ELMO1: variants seen among roughly 807,000 people sequenced by gnomAD.
The protein encoded by ELMO1 is engulfment and cell motility 1, also known as engulfment and cell motility protein 1.
A neutral mutation model predicts 98.9 loss-of-function variants in ELMO1; 26 were observed. The ratio of observed to expected loss-of-function variants is 0.26; its 90% confidence interval spans 0.19 to 0.36. ELMO1 has a LOEUF of 0.36. Among genes scored for constraint, ELMO1 ranks in the 10% least tolerant of loss-of-function variants. The pLI is 1.00. For synonymous variants in ELMO1, 346 were observed against 346.0 expected, an observed-to-expected ratio of 1.00 and a Z score of 0.00; for missense variants, 627 against 935.2, an observed-to-expected ratio of 0.67 and a Z score of 4.30.
chr7:37,442,793 C>T (rs1292454180), intron 1 of ELMO1, among the ~76,000 whole-genome samples: 3 of 152,200 alleles, frequency 2.0e-5, no homozygotes, highest in African/African-American at 7.2e-5. Context: ...AGTGAAGAGC[C>T]TCTCTGGACA....
chr7:37,226,165 T>C (rs1793864534), intron 8 of ELMO1, among the ~76,000 whole-genome samples: 1 of 152,142 alleles, frequency 6.6e-6, no homozygotes, highest in Non-Finnish European at 1.5e-5. Context: ...CCCAGCTACA[T>C]CTGGATCTCA....
At chr7:36,882,023 A>G (rs1470620145) in intron 18 of ELMO1, among the ~76,000 whole-genome samples, 1 of 152,260 alleles carries the variant, frequency 6.6e-6, no homozygotes, top group South Asian at 2.1e-4. Flanking sequence ...AAGCTGAACA[A>G]TGGCAACCAC....
chr7:37,295,893 A>G (rs1798004330), intron 4 of ELMO1, among the ~76,000 whole-genome samples: 1 of 152,254 alleles, frequency 6.6e-6, no homozygotes, highest in African/African-American at 2.4e-5. Flanking sequence ...TTATAATAAT[A>G]TAGCAAGCTT....
chr7:36,895,127 C>A, intron 16 of ELMO1, 110 bp from the exon 17 acceptor site: 1 of 1,259,286 alleles, frequency 7.9e-7, no homozygotes, highest in Admixed American at 2.3e-5. Context: ...TGCACGCATG[C>A]TCAGCATTAA....
chr7:36,976,938 A>G (rs906922451), intron 16 of ELMO1, among the ~76,000 whole-genome samples: 1 of 152,158 alleles, frequency 6.6e-6, no homozygotes, highest in Non-Finnish European at 1.5e-5. Flanking sequence ...GTTGAAATGG[A>G]GGCACCTGAC....
At chr7:36,959,675 T>A (rs149739656) in intron 16 of ELMO1, among the ~76,000 whole-genome samples, 1 of 152,266 alleles carries the variant, frequency 6.6e-6, no homozygotes, top group African/African-American at 2.4e-5. Flanking sequence ...TCAAAAAGTT[T>A]CTCTAATTTT....
intron 15 of ELMO1, among the ~76,000 whole-genome samples, chr7:37,083,764 C>T (rs1437432757): frequency 1.3e-5 from 2 of 152,196 alleles, no homozygotes; most frequent in Non-Finnish European, 2.9e-5. Flanking sequence ...GCTGGAGCTG[C>T]CCCTGATAGC....
intron 18 of ELMO1, 120 bp downstream of exon 18, chr7:36,887,440 C>T (rs1805123574): frequency 1.2e-6 from 1 of 813,642 alleles, no homozygotes; most frequent in South Asian, 1.8e-5. Context: ...GACTGCTATT[C>T]CTGTCCTGAG....
intron 18 of ELMO1, among the ~76,000 whole-genome samples, chr7:36,885,441 C>T (rs1174370323): frequency 3.3e-5 from 5 of 152,134 alleles, no homozygotes; most frequent in Admixed American, 2.6e-4. Flanking sequence ...AGTCTCATGA[C>T]GCAGTAGACT....
intron 16 of ELMO1, among the ~76,000 whole-genome samples, chr7:37,000,948 C>A (rs939330555): frequency 2.0e-5 from 3 of 151,754 alleles, no homozygotes; most frequent in African/African-American, 7.3e-5. Context: ...TACACACACA[C>A]ACACACACAC....
chr7:37,166,157 T>C (rs1789673061), intron 13 of ELMO1, among the ~76,000 whole-genome samples: 2 of 152,228 alleles, frequency 1.3e-5, no homozygotes, highest in African/African-American at 2.4e-5. Context: ...TGATGGTAGT[T>C]TGTATTTCTG....
chr7:37,379,331 G>A (rs564048486), intron 1 of ELMO1, among the ~76,000 whole-genome samples: 4 of 152,154 alleles, frequency 2.6e-5, no homozygotes, highest in East Asian at 3.9e-4. Context: ...GTGAGCCACC[G>A]CGCCCGGCCT....
At chr7:37,242,169 A>C (rs1179469429) in intron 7 of ELMO1, among the ~76,000 whole-genome samples, 1 of 152,184 alleles carries the variant, frequency 6.6e-6, no homozygotes, top group Non-Finnish European at 1.5e-5. Context: ...TCATTTTATC[A>C]ACTTTTCAGA....
intron 6 of ELMO1, among the ~76,000 whole-genome samples, chr7:37,246,465 T>A (rs1374452052): frequency 6.6e-6 from 1 of 152,156 alleles, no homozygotes; most frequent in Non-Finnish European, 1.5e-5. Context: ...GTCAAAGTTA[T>A]AACCAGTAAT....
intron 15 of ELMO1, among the ~76,000 whole-genome samples, chr7:37,065,965 G>C (rs6950733): frequency 0.29 from 43,644 of 152,010 alleles, 8,649 homozygotes; most frequent in African/African-American, 0.57. Flanking sequence ...TGGGGCAGCT[G>C]CCCTCATACT....
chr7:36,966,002 T>G (rs1190942372), intron 16 of ELMO1, among the ~76,000 whole-genome samples: 1 of 152,208 alleles, frequency 6.6e-6, no homozygotes, highest in Non-Finnish European at 1.5e-5. Flanking sequence ...GAAAAATGAA[T>G]ATACTTCATT....
chr7:36,972,598 C>G (rs192026337), intron 16 of ELMO1, among the ~76,000 whole-genome samples: 2 of 152,212 alleles, frequency 1.3e-5, no homozygotes, highest in Admixed American at 1.3e-4. Flanking sequence ...CATCATCTTC[C>G]TTCTATGCAT....
At chr7:37,273,600 T>C (rs1796680299) in intron 4 of ELMO1, among the ~76,000 whole-genome samples, 1 of 152,204 alleles carries the variant, frequency 6.6e-6, no homozygotes, top group Non-Finnish European at 1.5e-5. Flanking sequence ...ACATTGAAGA[T>C]AGAATTTCAT....
At chr7:37,038,244 G>A (rs1482649636) in intron 15 of ELMO1, among the ~76,000 whole-genome samples, 1 of 152,040 alleles carries the variant, frequency 6.6e-6, no homozygotes, top group African/African-American at 2.4e-5. Flanking sequence ...CTTGCTCAAG[G>A]TGTTCCTGAC....
Sources: allele counts gnomAD v4.1 joint callset (sites outside exome capture counted in the v4.1 genomes callset), GRCh38; gene constraint gnomAD v4.1.1; transcripts MANE v1.5; gene names NCBI Gene and HGNC (gene_info 2026-07-23, HGNC 2026-07-21).